The following ITGA9 variants were observed in gnomAD, a reference collection of about 807,000 sequenced individuals.
The protein encoded by ITGA9 is integrin alpha-9.
A neutral mutation model predicts 127.8 loss-of-function variants in ITGA9; 56 were observed. That is an observed-to-expected ratio of 0.44 (90% confidence interval 0.35 to 0.55). The LOEUF is 0.55. ITGA9 is among the 20% of genes least tolerant of loss of function. The pLI is 0.00. For missense variants in ITGA9, 1,196 were observed against 1,347.1 expected (o/e 0.89, Z 1.76); for synonymous variants, 508 against 514.5 (o/e 0.99, Z 0.17).
intron 18 of ITGA9, among the ~76,000 whole-genome samples, chr3:37,685,315 A>C (rs1290758176): frequency 6.6e-6 from 1 of 152,238 alleles, no homozygotes; most frequent in Non-Finnish European, 1.5e-5. Context: ...CTTTCCAAGA[A>C]GTCATCTCAG....
At position 37,823,442 on chromosome 3, in the gene ITGA9, C is replaced by T. The variant is rs1053061505; in HGVS notation, c.*4453C>T. The T allele has an allele frequency of 6.6e-6, 1 of 152,146 alleles. No individual in the cohort carries two copies. The highest frequency in any genetic ancestry group is 2.4e-5 in the African/African-American group (1 of 41,428). 9.4% of individuals were successfully genotyped at this position (152,146 alleles called of 1,614,324 possible). On this transcript the variant is annotated 3_prime_UTR_variant, in exon 28 of 28. Coordinates refer to ENST00000264741, the MANE Select transcript of ITGA9 (RefSeq NM_002207.3). The stretch of plus-strand genomic sequence containing the variant: ...TAAGCAGTCACTTCTGATTCACTTG[C>T]ACTGTTTGGGAAATGTCAGGTTTAC...
intron 4 of ITGA9, among the ~76,000 whole-genome samples, chr3:37,482,997 C>T (rs1405989496): frequency 6.6e-6 from 1 of 152,130 alleles, no homozygotes; most frequent in Non-Finnish European, 1.5e-5. Flanking sequence ...GCCTGGGTTT[C>T]CACTGCCCCA....
intron 17 of ITGA9, among the ~76,000 whole-genome samples, chr3:37,657,964 C>T (rs1700494872): frequency 1.3e-5 from 2 of 152,160 alleles, no homozygotes; most frequent in Admixed American, 6.6e-5. Flanking sequence ...AGTAGTCATT[C>T]AGGAGGCCAT....
rs76424398 is a variant in ITGA9 at position 37,777,549 on chromosome 3, G to A, written c.2667+32G>A. 0.038 allele frequency: 61,133 copies of A among 1,612,482 alleles called. 1,334 individuals are homozygous for A. The highest frequency in any genetic ancestry group is 0.044 in the Non-Finnish European group (52,453 of 1,178,810). On this transcript the variant is annotated intron_variant, in intron 24 of 27. Transcript: ENST00000264741. ...ATTTGTTTAGTGGTTGGGGTAACAC[G>A]GGTGGTCCTCACTCGGAAGACACCA...
intron 4 of ITGA9, among the ~76,000 whole-genome samples, chr3:37,487,321 G>A (rs1255545755): frequency 6.6e-6 from 1 of 152,216 alleles, no homozygotes; most frequent in East Asian, 1.9e-4. Context: ...TGAGGGGGAG[G>A]AAGGGAGGGA....
intron 18 of ITGA9, among the ~76,000 whole-genome samples, chr3:37,699,584 C>T (rs1192645676): frequency 6.6e-6 from 1 of 152,206 alleles, no homozygotes; most frequent in Non-Finnish European, 1.5e-5. Context: ...AATTGGTTTC[C>T]GTGCTTCCAC....
At chr3:37,690,673 G>A (rs1406815123) in intron 18 of ITGA9, among the ~76,000 whole-genome samples, 1 of 152,168 alleles carries the variant, frequency 6.6e-6, no homozygotes, top group African/African-American at 2.4e-5. Context: ...GAGTGATAGA[G>A]GAGGCCATGC....
chr3:37,629,461 C>T lies in ITGA9; in HGVS notation c.1839+125C>T. On this transcript the variant is annotated intron_variant, in intron 16 of 27. Coordinates refer to ENST00000264741, the MANE Select transcript of ITGA9 (RefSeq NM_002207.3). This position sits in a 1 kb window ranked among gnomAD's most constrained non-coding sequence, Gnocchi z 4.5. The stretch of plus-strand genomic sequence containing the variant: ...GGAGACCGCAGCCAGGACACACCTC[C>T]TCTCTGGGTCTCCCTTTTCTGATCT... 1 of 947,334 alleles carries T rather than the reference C, an allele frequency of 1.1e-6. No homozygotes were observed. The highest frequency in any genetic ancestry group is 1.4e-5 in the South Asian group (1 of 72,450). 58.7% of individuals were successfully genotyped at this position (947,334 alleles called of 1,614,324 possible).
chr3:37,466,055 G>A (rs1423257858), intron 1 of ITGA9, among the ~76,000 whole-genome samples: 1 of 152,074 alleles, frequency 6.6e-6, no homozygotes, highest in South Asian at 2.1e-4. Flanking sequence ...AGTACCTCCC[G>A]TAGGGTTGCT....
chr3:37,700,966 T>C (rs554714447), intron 18 of ITGA9, among the ~76,000 whole-genome samples: 1 of 152,294 alleles, frequency 6.6e-6, no homozygotes, highest in African/African-American at 2.4e-5. Flanking sequence ...CACCTGGTGA[T>C]TGCATCTTGC....
intron 1 of ITGA9, among the ~76,000 whole-genome samples, chr3:37,466,777 A>G (rs909346994): frequency 1.3e-5 from 2 of 151,234 alleles, no homozygotes; most frequent in African/African-American, 4.9e-5. Flanking sequence ...ACCACACTTG[A>G]AGTAGCAAGC....
At chr3:37,491,965 G>A (rs759002891) in intron 4 of ITGA9, among the ~76,000 whole-genome samples, 8 of 152,120 alleles carry the variant, frequency 5.3e-5, no homozygotes, top group African/African-American at 1.9e-4. Flanking sequence ...CATGCTTGTG[G>A]CCTAGGCTGT....
chr3:37,505,433 A>C (rs900094932), intron 6 of ITGA9, among the ~76,000 whole-genome samples: 1 of 152,266 alleles, frequency 6.6e-6, no homozygotes, highest in Non-Finnish European at 1.5e-5. Context: ...TCAATAATAA[A>C]AAGAAACTAC....
intron 1 of ITGA9, among the ~76,000 whole-genome samples, chr3:37,465,336 A>G (rs918301702): frequency 6.6e-6 from 1 of 152,180 alleles, no homozygotes; most frequent in Non-Finnish European, 1.5e-5. Flanking sequence ...GCTTGACCAC[A>G]CACAGGGAGC....
chr3:37,468,001 G>A lies in ITGA9; in HGVS notation c.186-3006G>A, dbSNP rs563310545. Among the ~76,000 whole-genome samples the A allele has an allele frequency of 2.6e-5, 4 of 152,274 alleles. No individual in the cohort carries two copies. In the South Asian group the frequency reaches 8.3e-4, roughly 32 times the overall value. ...TTCTCACTGGAGTTTTGTTTTGTAC[G>A]TCATTGTGCATTTGAGTTACAGCAG... On this transcript the variant is annotated intron_variant, in intron 1 of 27. Coordinates refer to ENST00000264741, the MANE Select transcript of ITGA9 (RefSeq NM_002207.3).
At chr3:37,602,363 T>C (rs1035918122) in intron 15 of ITGA9, among the ~76,000 whole-genome samples, 1 of 152,130 alleles carries the variant, frequency 6.6e-6, no homozygotes, top group Admixed American at 6.5e-5. Context: ...AACTGTTTTA[T>C]GAATAGGAGA....
intron 13 of ITGA9, among the ~76,000 whole-genome samples, chr3:37,528,579 G>A (rs1480578596): frequency 2.0e-5 from 3 of 152,138 alleles, no homozygotes; most frequent in African/African-American, 7.2e-5. Flanking sequence ...TTGAGATGCA[G>A]CCATGCATCA....
At position 37,767,069 on chromosome 3, in the gene ITGA9, C is replaced by T. The variant is rs1193985963; in HGVS notation, c.2542-10323C>T. 6.6e-5 allele frequency among the ~76,000 whole-genome samples: 10 copies of T among 152,302 alleles called. No individual in the cohort carries two copies. The South Asian group carries it at 2.1e-3, about 32-fold the overall frequency. On this transcript the variant is annotated intron_variant, in intron 23 of 27. Transcript: ENST00000264741. ...GTGGTGGCCTGCACTCTTGACTTTC[C>T]AGCATGTTGGCCTGTCACACGCAAA...
chr3:37,744,530 C>T (rs1013363121), intron 22 of ITGA9, among the ~76,000 whole-genome samples: 7 of 152,214 alleles, frequency 4.6e-5, no homozygotes, highest in African/African-American at 1.4e-4. Context: ...TGAGCCCCCA[C>T]GGGAGGCACG....
Sources: allele counts gnomAD v4.1 joint callset (sites outside exome capture counted in the v4.1 genomes callset), GRCh38; gene constraint gnomAD v4.1.1; non-coding constraint Gnocchi (gnomAD v3.1); transcripts MANE v1.5; gene names NCBI Gene and HGNC (gene_info 2026-07-23, HGNC 2026-07-21).